Variants in ATP10A observed in about 807,000 individuals in gnomAD.
ATP10A encodes the protein phospholipid-transporting ATPase VA.
A neutral mutation model predicts 147.8 loss-of-function variants in ATP10A; 111 were observed. The observed-to-expected ratio is 0.75, with a 90% CI of 0.64 to 0.88. ATP10A has a LOEUF of 0.88. Ranked by LOEUF, ATP10A falls within the 40% of genes least tolerant of loss-of-function variation. The probability of loss-of-function intolerance (pLI) is 0.00; values close to 1 mark genes in which losing one functional copy is unlikely to be tolerated. For synonymous variants in ATP10A, 875 were observed against 841.6 expected, an observed-to-expected ratio of 1.04 and a Z score of -0.69; for missense variants, 1,927 against 1,959.0, an observed-to-expected ratio of 0.98 and a Z score of 0.31.
At chr15:25,845,550 AGACCACAGACAGGGCACCC>A (rs766055437) in intron 1 of ATP10A, among the ~76,000 whole-genome samples, 3 of 152,158 alleles carry the variant, frequency 2.0e-5, no homozygotes, top group Non-Finnish European at 4.4e-5. Context: ...CTAGGCAACA[AGACCACAGACAGGGCACCC>A]GACCCCACCC....
intron 1 of ATP10A, among the ~76,000 whole-genome samples, chr15:25,850,616 G>A (rs1893245548): frequency 6.6e-6 from 1 of 151,316 alleles, no homozygotes; most frequent in East Asian, 2.0e-4. Flanking sequence ...AGCGGACCCA[G>A]CGCTGCTCCA....
chr15:25,823,777 T>C (rs1380161534), intron 1 of ATP10A, among the ~76,000 whole-genome samples: 1 of 152,232 alleles, frequency 6.6e-6, no homozygotes, highest in Non-Finnish European at 1.5e-5. Flanking sequence ...AAAATAACCA[T>C]GTAGTAATAA....
rs200297626 is a variant in ATP10A at position 25,679,820 on chromosome 15, C to T, written c.4021G>A (p.Gly1341Arg). 2 of 1,612,284 alleles carry T rather than the reference C, an allele frequency of 1.2e-6. No homozygotes were observed. The highest frequency in any genetic ancestry group is 2.2e-5 in the South Asian group (2 of 91,082). ...PKDSGTEHSS[G>R]RTVKTSVPLS... ...GGCACAGAGGTCTTGACTGTCCTCCCTGATGAGTGCTCGGTTCCCGAGTCC... is the reference window on the plus strand; with the variant it reads ...GGCACAGAGGTCTTGACTGTCCTCCTTGATGAGTGCTCGGTTCCCGAGTCC... Residue 1341 changes from glycine (G) to arginine (R), a missense_variant, in exon 21 of 21, where the codon GGG becomes AGG. Transcript: ENST00000555815.
intron 7 of ATP10A, among the ~76,000 whole-genome samples, 181 bp from the exon 8 acceptor site, chr15:25,718,580 G>A (rs748045359): frequency 6.6e-6 from 1 of 152,200 alleles, no homozygotes; most frequent in Non-Finnish European, 1.5e-5. Context: ...AACCTGGGGA[G>A]GTTGATATTC....
chr15:25,733,266 C>T (rs1482626514), intron 3 of ATP10A, among the ~76,000 whole-genome samples: 1 of 152,120 alleles, frequency 6.6e-6, no homozygotes, highest in African/African-American at 2.4e-5. Flanking sequence ...CTTCCTGAGC[C>T]TAGACAGCAG....
At position 25,716,740 on chromosome 15, in the gene ATP10A, G is replaced by A; in HGVS notation, c.1766C>T (p.Pro589Leu). The change falls in exon 9 of 21, where the codon CCA (proline) becomes CTA (leucine). Residue 589 changes from proline (P) to leucine (L), a missense_variant. Coordinates refer to ENST00000555815, the MANE Select transcript of ATP10A (RefSeq NM_024490.4). ...NTVVVTSPDQ[P>L]RTKVRVRFEL... is the part of the protein sequence containing the mutation. ...CCCTCCAGAACTTGCCTTTGTTCGTGGCTGATCCGGGGACGTGACGACGAC... is the reference window on the plus strand; with the variant it reads ...CCCTCCAGAACTTGCCTTTGTTCGTAGCTGATCCGGGGACGTGACGACGAC... 6.3e-7 allele frequency: 1 copy of A among 1,587,262 alleles called. No individual in the cohort carries two copies. The highest frequency in any genetic ancestry group is 8.6e-7 in the Non-Finnish European group (1 of 1,165,772).
rs1009900630 is a variant in ATP10A, at chr15:25,694,740, T to C, written c.3088+79A>G. The C allele has an allele frequency of 2.4e-6, 3 of 1,265,488 alleles. No individual in the cohort carries two copies. In the African/African-American group the frequency reaches 4.5e-5, roughly 19 times the overall value. The allele number at this position is 1,265,488 out of a possible 1,614,324, so 78.4% of individuals were successfully genotyped here. ...AGAAAGGTGAGGAAGTGTTTTCCCA[T>C]CTCGTGGTGTAGCATGGAAGGGTAG... On this transcript the variant is annotated intron_variant, in intron 14 of 20. Transcript: ENST00000555815.
chr15:25,718,505 C>CCGGAAT, intron 7 of ATP10A, 106 bp from the exon 8 acceptor site: 3 of 1,193,140 alleles, frequency 2.5e-6, no homozygotes, highest in Non-Finnish European at 3.5e-6. Flanking sequence ...GGCAGGGCAG[C>CCGGAAT]CCCACAGGAT....
chr15:25,706,393 C>A (rs561097333), intron 12 of ATP10A, among the ~76,000 whole-genome samples: 33 of 152,186 alleles, frequency 2.2e-4, no homozygotes, highest in African/African-American at 8.0e-4. Context: ...ACGCTCAGTG[C>A]CCCCCGTCAT....
Position 25,797,333 on chromosome 15 carries a change from G to A in ATP10A, c.450-16110C>T, listed in dbSNP as rs139445432. Reference sequence around the variant, plus strand: ...ATTTTTTCAGAAAAGAATTCACAAAGTACATGTCTTTGTGAATAAGGACTC... The same window carrying A: ...ATTTTTTCAGAAAAGAATTCACAAAATACATGTCTTTGTGAATAAGGACTC... On this transcript the variant is annotated intron_variant, in intron 1 of 20. Transcript: ENST00000555815. Among the ~76,000 whole-genome samples the A allele has an allele frequency of 1.6e-3, 245 of 152,292 alleles. 1 individual carries two copies. The highest frequency in any genetic ancestry group is 5.5e-3 in the African/African-American group (229 of 41,556).
intron 3 of ATP10A, among the ~76,000 whole-genome samples, chr15:25,732,553 A>G (rs201930485): frequency 3.9e-4 from 10 of 25,530 alleles, no homozygotes; most frequent in Non-Finnish European, 7.1e-4. Context: ...CACATGCGAC[A>G]CCTTCTTTTT....
rs139087282 is a variant in ATP10A, at chr15:25,775,866, T to C, written c.654+5153A>G. ...CAGCTGTTCTCAAGCAGGACAGCCC[T>C]GTCCCCGCCTCACCCCGGCTGAAAT... On this transcript the variant is annotated intron_variant, in intron 2 of 20. Transcript: ENST00000555815. 8.0e-3 allele frequency among the ~76,000 whole-genome samples: 1,214 copies of C among 152,380 alleles called. 10 individuals are homozygous for C. Among genetic ancestry groups the C allele is most frequent in the Non-Finnish European group, 8.9e-3 (607 of 68,034 alleles).
chr15:25,677,102 T>C (rs1016628936), downstream of ATP10A, among the ~76,000 whole-genome samples: 1 of 152,102 alleles, frequency 6.6e-6, no homozygotes, highest in Non-Finnish European at 1.5e-5. Flanking sequence ...CTGGGCACAC[T>C]GTACAATGTC....
At chr15:25,739,189 C>T (rs1887447893) in intron 2 of ATP10A, among the ~76,000 whole-genome samples, 1 of 152,236 alleles carries the variant, frequency 6.6e-6, no homozygotes, top group Non-Finnish European at 1.5e-5. Flanking sequence ...CCTGCCTCAA[C>T]CTCCCAAGTA....
rs780073022 is a variant in ATP10A, at chr15:25,679,669, G to A, written c.4172C>T (p.Pro1391Leu). ...EHTLLEGLSAPAPMSSAPGEA... is the reference protein window; with the variant it reads ...EHTLLEGLSALAPMSSAPGEA... Reference sequence around the variant, plus strand: ...CCCTGGCGCAGAGGACATGGGGGCCGGTGCGCTCAGCCCCTCCAGCAGGGT... The same window carrying A: ...CCCTGGCGCAGAGGACATGGGGGCCAGTGCGCTCAGCCCCTCCAGCAGGGT... The change falls in exon 21 of 21, where the codon CCG becomes CTG. Residue 1391 changes from proline to leucine, a missense_variant. Transcript: ENST00000555815. The A allele has an allele frequency of 2.1e-5, 34 of 1,613,208 alleles. No homozygotes were observed. The highest frequency in any genetic ancestry group is 9.9e-5 in the South Asian group (9 of 91,078).
chr15:25,703,962 C>T (rs941827124), intron 12 of ATP10A, among the ~76,000 whole-genome samples: 2 of 152,384 alleles, frequency 1.3e-5, no homozygotes, highest in Non-Finnish European at 2.9e-5. Flanking sequence ...GAAGACCACA[C>T]AGCGTGTGGA....
chr15:25,817,568 G>A (rs28536679), intron 1 of ATP10A, among the ~76,000 whole-genome samples: 41 of 152,178 alleles, frequency 2.7e-4, no homozygotes, highest in African/African-American at 8.9e-4. Flanking sequence ...AAATAAGATT[G>A]ATAAAATAAT....
chr15:25,694,964 G>T lies in ATP10A; in HGVS notation c.2943C>A (p.Tyr981Ter). The T allele has an allele frequency of 1.2e-6, 2 of 1,614,192 alleles. No homozygotes were observed. The highest frequency in any genetic ancestry group is 1.7e-6 in the Non-Finnish European group (2 of 1,180,032). ...TGTCCTCCAGGTTTTTCTCGAGAGC[G>T]TAGGCCAGGCTTCTCCCATCGATCA... ...SLVIDGRSLA[Y>*]ALEKNLEDKF... is the part of the protein sequence containing the mutation. The change falls in exon 14 of 21, where the codon TAC (tyrosine) becomes TAA (stop). Residue 981 changes from tyrosine (Y) to a stop codon, truncating the protein, a stop_gained. Transcript: ENST00000555815. LOFTEE classifies it high-confidence loss of function.
chr15:25,714,144 A>T lies in ATP10A; in HGVS notation c.1874T>A (p.Ile625Asn). ...PSCLTSGCSS[I>N]GSLAANKSSH... ...GGACTTGTTGGCGGCCAGGCTCCCG[A>T]TGCTGCTGCAGCCTGAGGTCAGGCA... Residue 625 changes from isoleucine (I) to asparagine (N), a missense_variant, in exon 10 of 21, where the codon ATC (isoleucine) becomes AAC (asparagine). By Grantham distance (149) the Ile-to-Asn change is moderately radical. Coordinates refer to ENST00000555815, the MANE Select transcript of ATP10A (RefSeq NM_024490.4). 1 of 1,611,530 alleles carries T rather than the reference A, an allele frequency of 6.2e-7. No homozygotes were observed. Among genetic ancestry groups the T allele is most frequent in the African/African-American group, 1.3e-5 (1 of 75,050 alleles).
Sources: allele counts gnomAD v4.1 joint callset (sites outside exome capture counted in the v4.1 genomes callset), GRCh38; gene constraint gnomAD v4.1.1; transcripts MANE v1.5; gene names NCBI Gene and HGNC (gene_info 2026-07-23, HGNC 2026-07-21).